The following WDPCP variants were observed in gnomAD, a reference collection of about 807,000 sequenced individuals.
WDPCP encodes WD repeat containing planar cell polarity effector, also known as WD repeat-containing and planar cell polarity effector protein fritz homolog.
WDPCP carries 71 observed loss-of-function variants against 93.1 expected under a neutral mutation model. The ratio of observed to expected loss-of-function variants is 0.76; its 90% confidence interval spans 0.63 to 0.93. The LOEUF is 0.93. Ranked by LOEUF, WDPCP falls within the 40% of genes least tolerant of loss-of-function variation. The pLI, the probability that WDPCP is intolerant of heterozygous loss-of-function variation, is 0.00. For missense variants in WDPCP, 844 were observed against 887.4 expected, an observed-to-expected ratio of 0.95 and a Z score of 0.62; for synonymous variants, 315 against 315.0, an observed-to-expected ratio of 1.00 and a Z score of 0.00.
intron 1 of WDPCP, chr2:63,517,809 T>A (rs980622560): frequency 2.6e-5 from 4 of 152,220 alleles, no homozygotes; most frequent in African/African-American, 4.8e-5. Context: ...CTTCAATCTG[T>A]AGTTAGATCT....
intron 9 of WDPCP, among the ~76,000 whole-genome samples, chr2:63,424,423 T>C (rs934845072): frequency 6.6e-5 from 10 of 152,182 alleles, no homozygotes; most frequent in African/African-American, 2.4e-4. Context: ...ATGACTGTTC[T>C]TCACACCCTC....
chr2:63,244,802 C>T (rs370218299), intron 14 of WDPCP, among the ~76,000 whole-genome samples: 3 of 152,138 alleles, frequency 2.0e-5, no homozygotes, highest in Non-Finnish European at 2.9e-5. Context: ...ATTGCAGTGA[C>T]GTATTCCCAT....
intron 2 of WDPCP, among the ~76,000 whole-genome samples, chr2:63,746,072 A>AC (rs1414866150): frequency 2.0e-5 from 3 of 152,128 alleles, no homozygotes; most frequent in Non-Finnish European, 4.4e-5. Flanking sequence ...GAAGTCAGGG[A>AC]CCCCAAACAG....
intron 1 of WDPCP, among the ~76,000 whole-genome samples, chr2:63,501,217 T>C (rs928387916): frequency 5.9e-5 from 9 of 152,160 alleles, no homozygotes; most frequent in African/African-American, 1.4e-4. Context: ...TTCAAAATAC[T>C]ATCTAAGTCC....
intron 9 of WDPCP, among the ~76,000 whole-genome samples, chr2:63,405,581 G>C (rs193044634): frequency 1.4e-4 from 19 of 136,366 alleles, no homozygotes; most frequent in African/African-American, 4.3e-4. Flanking sequence ...GTGTGTGTGT[G>C]TGTGTTGGCG....
chr2:63,437,792 G>C, intron 7 of WDPCP: 2 of 1,467,980 alleles, frequency 1.4e-6, no homozygotes, highest in East Asian at 2.3e-5. Context: ...CTGATATTTG[G>C]GGACCACCAA....
chr2:63,176,197 C>A (rs1176804655), intron 14 of WDPCP, among the ~76,000 whole-genome samples: 2 of 152,062 alleles, frequency 1.3e-5, no homozygotes, highest in African/African-American at 4.8e-5. Context: ...TTTTTATATG[C>A]TTGTTGGTCA....
intron 13 of WDPCP, among the ~76,000 whole-genome samples, chr2:63,271,460 G>C (rs1460104757): frequency 6.6e-6 from 1 of 152,156 alleles, no homozygotes; most frequent in Non-Finnish European, 1.5e-5. Context: ...ACCACTGCTG[G>C]TGCCCACATG....
intron 2 of WDPCP, among the ~76,000 whole-genome samples, chr2:63,704,556 CAT>C (rs1669117772): frequency 6.6e-6 from 1 of 152,150 alleles, no homozygotes; most frequent in South Asian, 2.1e-4. Context: ...TTGAGATAAT[CAT>C]GTGGTTTTTG....
chr2:63,823,199 C>CAA (rs535622796), intron 1 of WDPCP, among the ~76,000 whole-genome samples: 96 of 117,260 alleles, frequency 8.2e-4, no homozygotes, highest in Non-Finnish European at 1.3e-3. Context: ...AAGTTTCACC[C>CAA]AAAAAAAAAA....
chr2:63,223,648 A>G (rs1036732814), intron 14 of WDPCP, among the ~76,000 whole-genome samples: 3 of 152,158 alleles, frequency 2.0e-5, no homozygotes, highest in Admixed American at 6.6e-5. Flanking sequence ...CCTAGCAGCA[A>G]TATGTTTCAG....
chr2:63,193,968 T>C (rs1021503136), intron 14 of WDPCP, among the ~76,000 whole-genome samples: 6 of 152,226 alleles, frequency 3.9e-5, no homozygotes, highest in Admixed American at 2.0e-4. Flanking sequence ...TACTTACTGG[T>C]AAGACCATTA....
intron 2 of WDPCP, among the ~76,000 whole-genome samples, chr2:63,748,107 TG>T (rs1169207943): frequency 6.6e-6 from 1 of 151,906 alleles, no homozygotes; most frequent in African/African-American, 2.4e-5. Flanking sequence ...AGTTGGTATC[TG>T]ACAACTTTTG....
At chr2:63,463,148 C>G (rs1197261738) in intron 6 of WDPCP, among the ~76,000 whole-genome samples, 1 of 145,644 alleles carries the variant, frequency 6.9e-6, no homozygotes, top group African/African-American at 2.6e-5. Flanking sequence ...ACTGAAAGAA[C>G]CAAAAAAAAA....
intron 14 of WDPCP, among the ~76,000 whole-genome samples, chr2:63,232,073 A>C (rs1293268198): frequency 6.6e-6 from 1 of 152,208 alleles, no homozygotes; most frequent in African/African-American, 2.4e-5. Flanking sequence ...AAAAACAAGC[A>C]ATGGGGAAAG....
intron 2 of WDPCP, among the ~76,000 whole-genome samples, chr2:63,675,978 T>A (rs1710399272): frequency 6.6e-6 from 1 of 152,232 alleles, no homozygotes; most frequent in Non-Finnish European, 1.5e-5. Context: ...TAGTTTACGA[T>A]TACTTTCCCT....
intron 1 of WDPCP, among the ~76,000 whole-genome samples, chr2:63,567,829 C>T (rs905153247): frequency 5.3e-5 from 8 of 152,114 alleles, no homozygotes; most frequent in Non-Finnish European, 1.2e-4. Context: ...ATTGTTTGGC[C>T]AGTGCCTTTC....
intron 12 of WDPCP, among the ~76,000 whole-genome samples, chr2:63,342,188 G>T (rs754280745): frequency 6.6e-6 from 1 of 152,130 alleles, no homozygotes; most frequent in Non-Finnish European, 1.5e-5. Context: ...TGGAGACAGA[G>T]CTCAAGTGGT....
rs79338548 is a variant in WDPCP, at chr2:63,459,479, T to G, written c.385-19608A>C. On this transcript the variant is annotated intron_variant, in intron 6 of 17. Coordinates refer to ENST00000272321, the MANE Select transcript of WDPCP (RefSeq NM_015910.7). ...ATATGACTAACACCACAATGTGATT[T>G]CATCTCACCCCAGTTAGAATGGCTA... Among the ~76,000 whole-genome samples, 573 of 152,278 alleles carry G rather than the reference T, an allele frequency of 3.8e-3. 3 individuals are homozygous for G. The highest frequency in any genetic ancestry group is 0.013 in the African/African-American group (536 of 41,554).
Sources: gnomAD v4.1 joint callset for allele counts (sites outside exome capture counted in the v4.1 genomes callset) on GRCh38, gnomAD v4.1.1 for gene constraint, MANE v1.5 for transcripts, NCBI Gene and HGNC (gene_info 2026-07-23, HGNC 2026-07-21) for gene names.